The following PCNX1 variants were observed in gnomAD, a reference collection of about 807,000 sequenced individuals.
The protein encoded by PCNX1 is pecanex 1.
Under a neutral mutation model 242.2 loss-of-function variants are expected in PCNX1, and 78 were observed. The observed-to-expected ratio is 0.32, with a 90% confidence interval of 0.27 to 0.39. The LOEUF is 0.39. PCNX1 is among the 10% of genes least tolerant of loss of function. The pLI is 1.00. For synonymous variants in PCNX1, 1,024 were observed against 1,032.9 expected, an observed-to-expected ratio of 0.99 and a Z score of 0.17; for missense variants, 2,581 against 2,856.5, an observed-to-expected ratio of 0.90 and a Z score of 2.20.
intron 6 of PCNX1, among the ~76,000 whole-genome samples, chr14:70,987,401 G>A (rs891616071): frequency 2.0e-5 from 3 of 152,086 alleles, no homozygotes; most frequent in African/African-American, 7.2e-5. Flanking sequence ...AGCCACATAT[G>A]GCTAATGGCT....
In PCNX1 at chr14:71,023,243, C is replaced by T; in HGVS notation, c.3183+11C>T. 4 of 1,567,290 alleles carry T rather than the reference C, an allele frequency of 2.6e-6. No homozygotes were observed. Among genetic ancestry groups the T allele is most frequent in the Non-Finnish European group, 3.5e-6 (4 of 1,137,856 alleles). ...TCTTCTCCCAGACATGTAAGTCACT[C>T]TTAATATGGCTGTACATTATAGGTC... On this transcript the variant is annotated intron_variant, in intron 13 of 35. Coordinates refer to ENST00000304743, the MANE Select transcript of PCNX1 (RefSeq NM_014982.3).
In PCNX1 at chr14:71,112,278, G is replaced by A. The variant is rs2141935100; in HGVS notation, c.*2343G>A. The A allele has an allele frequency of 6.6e-6, 1 of 152,170 alleles. No homozygotes were observed. Among genetic ancestry groups the A allele is most frequent in the South Asian group, 2.1e-4 (1 of 4,826 alleles). The allele number at this position is 152,170 out of a possible 1,614,324, so 9.4% of individuals were successfully genotyped here. On this transcript the variant is annotated 3_prime_UTR_variant, in exon 36 of 36. Coordinates refer to ENST00000304743, the MANE Select transcript of PCNX1 (RefSeq NM_014982.3). ...ACACATCACATACTCTGAAAAGTCA[G>A]ATTTCAAATGCAAGACTAGACTTTA...
chr14:71,109,623 G>A (rs1439486214), intron 35 of PCNX1, 31 bp downstream of exon 35: 2 of 1,612,774 alleles, frequency 1.2e-6, no homozygotes, highest in Non-Finnish European at 1.7e-6. Context: ...GCGGTCTGGG[G>A]CTCTGCCTTT....
intron 5 of PCNX1, among the ~76,000 whole-genome samples, chr14:70,975,199 T>C (rs1236854053): frequency 1.3e-5 from 2 of 152,084 alleles, no homozygotes; most frequent in Non-Finnish European, 2.9e-5. Flanking sequence ...AACCGATAAT[T>C]GCTTATTAGA....
At chr14:71,096,350 G>C (rs1046889017) in intron 30 of PCNX1, among the ~76,000 whole-genome samples, 1 of 151,990 alleles carries the variant, frequency 6.6e-6, no homozygotes, top group Non-Finnish European at 1.5e-5. Flanking sequence ...GCATGGGGGC[G>C]TGTGCCTGTA....
intron 26 of PCNX1, among the ~76,000 whole-genome samples, chr14:71,065,071 A>G (rs34368938): frequency 0.37 from 55,744 of 152,072 alleles, 10,476 homozygotes; most frequent in East Asian, 0.62. Flanking sequence ...CAGTGCCACA[A>G]TAAACATACA....
rs2060151722 is a variant in PCNX1, at chr14:71,023,232, T to C, written c.3183T>C (p.His1061=). 2.5e-6 allele frequency: 4 copies of C among 1,593,586 alleles called. No individual in the cohort carries two copies. The highest frequency in any genetic ancestry group is 1.3e-5 in the African/African-American group (1 of 74,532). Residue 1061 remains histidine (H), a splice_region_variant and synonymous_variant, in exon 13 of 36, where the codon CAT becomes CAC. Transcript: ENST00000304743. ...SVQPDSSSPR[H]GHNRIIAYSR... is the part of the protein sequence containing the mutation. ...AACCAGATTCTTCTTCTCCCAGACA[T>C]GTAAGTCACTCTTAATATGGCTGTA...
chr14:70,932,473 T>C (rs2140169766), intron 1 of PCNX1, among the ~76,000 whole-genome samples: 1 of 152,232 alleles, frequency 6.6e-6, no homozygotes, highest in East Asian at 1.9e-4. Context: ...GGCTTCATGT[T>C]TGTATCTATT....
At chr14:70,954,986 A>G (rs777073578) in intron 2 of PCNX1, among the ~76,000 whole-genome samples, 13 of 152,252 alleles carry the variant, frequency 8.5e-5, no homozygotes, top group Non-Finnish European at 1.9e-4. Context: ...TCTAGATCCT[A>G]TCACTGTGCG....
intron 16 of PCNX1, among the ~76,000 whole-genome samples, chr14:71,032,752 T>C (rs543233220): frequency 1.3e-5 from 2 of 152,336 alleles, no homozygotes; most frequent in Non-Finnish European, 2.9e-5. Context: ...TTCCAGTTAG[T>C]GTATTGCCCA....
intron 6 of PCNX1, among the ~76,000 whole-genome samples, chr14:70,985,376 G>A (rs1240301277): frequency 1.3e-5 from 2 of 151,894 alleles, no homozygotes; most frequent in African/African-American, 2.4e-5. Flanking sequence ...CACCACACCC[G>A]CTAATTTTTG....
At chr14:70,978,993 T>C (rs915570825) in intron 6 of PCNX1, among the ~76,000 whole-genome samples, 2 of 152,144 alleles carry the variant, frequency 1.3e-5, no homozygotes, top group African/African-American at 4.8e-5. Flanking sequence ...AATATATAAT[T>C]ATTTAAGGGC....
At chr14:70,924,374 G>A (rs1173186664) in intron 1 of PCNX1, among the ~76,000 whole-genome samples, 8 of 152,048 alleles carry the variant, frequency 5.3e-5, no homozygotes, top group Admixed American at 4.6e-4. Context: ...CACTGCATCC[G>A]GTTTCTCCTC....
intron 5 of PCNX1, among the ~76,000 whole-genome samples, chr14:70,972,190 G>C (rs188931588): frequency 6.6e-6 from 1 of 151,496 alleles, no homozygotes; most frequent in Non-Finnish European, 1.5e-5. Context: ...TTTGAGTTAC[G>C]CATCAGGGAG....
chr14:71,102,670 A>AT (rs969902176), intron 31 of PCNX1, among the ~76,000 whole-genome samples: 13 of 151,102 alleles, frequency 8.6e-5, no homozygotes, highest in Admixed American at 1.3e-4. Flanking sequence ...AATTTTACTT[A>AT]TTTTTTTTTA....
At chr14:70,950,155 G>A (rs572247118) in intron 2 of PCNX1, among the ~76,000 whole-genome samples, 3 of 151,990 alleles carry the variant, frequency 2.0e-5, no homozygotes, top group South Asian at 2.1e-4. Flanking sequence ...AATTAAACAC[G>A]TATTTTAGCC....
At chr14:71,045,499 A>G (rs190182021) in intron 20 of PCNX1, among the ~76,000 whole-genome samples, 1 of 152,280 alleles carries the variant, frequency 6.6e-6, no homozygotes, top group Admixed American at 6.5e-5. Flanking sequence ...TTTCCACAGA[A>G]GAAACTTACT....
intron 2 of PCNX1, among the ~76,000 whole-genome samples, chr14:70,948,827 C>T (rs1424741682): frequency 6.9e-6 from 1 of 145,112 alleles, no homozygotes; most frequent in Non-Finnish European, 1.5e-5. Context: ...TTTTTATTTA[C>T]TCGTATAAAT....
chr14:71,033,260 G>C (rs1006093139), intron 16 of PCNX1, among the ~76,000 whole-genome samples, 169 bp from the exon 17 acceptor site: 1 of 152,122 alleles, frequency 6.6e-6, no homozygotes, highest in African/African-American at 2.4e-5. Flanking sequence ...TAACTCATCA[G>C]AAAGTAATAA....
Sources: allele counts gnomAD v4.1 joint callset (sites outside exome capture counted in the v4.1 genomes callset), GRCh38; gene constraint gnomAD v4.1.1; transcripts MANE v1.5; gene names NCBI Gene and HGNC (gene_info 2026-07-23, HGNC 2026-07-21).